Variants in NFIB observed in about 807,000 individuals in gnomAD.
NFIB encodes the protein nuclear factor I B.
A neutral mutation model predicts 61.5 loss-of-function variants in NFIB; 11 were observed. That is an observed-to-expected ratio of 0.18 (90% CI 0.11 to 0.30). The LOEUF is 0.30. Ranked by LOEUF, NFIB falls within the 10% of genes least tolerant of loss-of-function variation. NFIB has a pLI of 1.00. For synonymous variants in NFIB, 260 were observed against 216.5 expected (o/e 1.20, Z -1.76); for missense variants, 471 against 608.9 (o/e 0.77, Z 2.38).
the NFIB span, among the ~76,000 whole-genome samples, chr9:14,407,619 G>A: frequency 6.6e-6 from 1 of 152,164 alleles, no homozygotes; most frequent in Admixed American, 6.5e-5. Flanking sequence ...AATTCAGATA[G>A]TGTGGAATAA....
intron 2 of NFIB, among the ~76,000 whole-genome samples, chr9:14,225,674 T>C (rs2052305553): frequency 6.6e-6 from 1 of 152,004 alleles, no homozygotes; most frequent in Admixed American, 6.6e-5. Flanking sequence ...AAAGTAATAG[T>C]AAGTTTTCCA....
chr9:14,114,691 C>T (rs1403135584), intron 9 of NFIB, among the ~76,000 whole-genome samples: 2 of 152,170 alleles, frequency 1.3e-5, no homozygotes, highest in Non-Finnish European at 2.9e-5. Context: ...GCTGAGGGTA[C>T]TCCTATAAGT....
At chr9:14,153,852 C>T (rs1026436331) in intron 4 of NFIB, among the ~76,000 whole-genome samples, 6 of 152,020 alleles carry the variant, frequency 3.9e-5, no homozygotes, top group African/African-American at 7.2e-5. Flanking sequence ...GATTATGATG[C>T]GGATATATTA....
At chr9:14,343,428 T>C (rs1471666845) in intron 1 of NFIB, among the ~76,000 whole-genome samples, 1 of 152,012 alleles carries the variant, frequency 6.6e-6, no homozygotes, top group Non-Finnish European at 1.5e-5. Context: ...TAGAGAGACG[T>C]GGCCAGGTTT....
chr9:14,381,364 T>C (rs916060231), intron 1 of NFIB, among the ~76,000 whole-genome samples: 2 of 151,914 alleles, frequency 1.3e-5, no homozygotes, highest in Non-Finnish European at 2.9e-5. Context: ...GCTAATTTTT[T>C]AATTTTTGTA....
chr9:14,487,801 A>G, the NFIB span, among the ~76,000 whole-genome samples: 1 of 152,136 alleles, frequency 6.6e-6, no homozygotes, highest in Non-Finnish European at 1.5e-5. Flanking sequence ...TTCCTTTTGA[A>G]TTTTCATTCA....
chr9:14,132,065 T>C (rs2040466673), intron 6 of NFIB, among the ~76,000 whole-genome samples: 1 of 152,204 alleles, frequency 6.6e-6, no homozygotes, highest in African/African-American at 2.4e-5. Context: ...TTCCCTATAG[T>C]AACACAATTT....
At chr9:14,419,969 G>A in the NFIB span, among the ~76,000 whole-genome samples, 3 of 152,146 alleles carry the variant, frequency 2.0e-5, no homozygotes, top group Non-Finnish European at 2.9e-5. Flanking sequence ...AGAGAGGAAG[G>A]AAATTTCCCA....
At chr9:14,145,295 T>C (rs1331471403) in intron 6 of NFIB, among the ~76,000 whole-genome samples, 2 of 152,140 alleles carry the variant, frequency 1.3e-5, no homozygotes, top group Non-Finnish European at 2.9e-5. Context: ...TATGCTTTTG[T>C]CTCAGTTCCC....
rs187544109 is a variant in NFIB, at chr9:14,353,562, G to T, written c.108+44962C>A. Among the ~76,000 whole-genome samples, 2 of 152,260 alleles carry T rather than the reference G, an allele frequency of 1.3e-5. 1 individual carries two copies. The highest frequency in any genetic ancestry group is 3.9e-4 in the East Asian group (2 of 5,158). ...CTGGGGAGTGGGCTGGTTCCAATGA[G>T]AGAAACTGAAAGGAGGGAAGTCAGA... On this transcript the variant is annotated intron_variant, in intron 1 of 8. Transcript: ENST00000380934.
intron 2 of NFIB, among the ~76,000 whole-genome samples, chr9:14,300,585 T>A (rs191856592): frequency 2.6e-5 from 4 of 152,226 alleles, no homozygotes; most frequent in Non-Finnish European, 4.4e-5. Context: ...GAGTGTTTCA[T>A]GTGCTCTTTG....
the NFIB span, among the ~76,000 whole-genome samples, chr9:14,525,131 G>A: frequency 2.0e-5 from 3 of 152,174 alleles, no homozygotes; most frequent in South Asian, 6.2e-4. Flanking sequence ...GAGCTCTACA[G>A]TTCTCAGACA....
chr9:14,406,651 C>G, the NFIB span, among the ~76,000 whole-genome samples: 3 of 152,126 alleles, frequency 2.0e-5, no homozygotes, highest in East Asian at 5.8e-4. Context: ...TCTCTCATAG[C>G]TAGGTGTGGT....
chr9:14,510,923 C>A, the NFIB span, among the ~76,000 whole-genome samples: 1 of 152,138 alleles, frequency 6.6e-6, no homozygotes, highest in African/African-American at 2.4e-5. Context: ...TAAGATCCCC[C>A]CTACCTTCAA....
chr9:14,173,009 C>A (rs2045743406), intron 3 of NFIB, among the ~76,000 whole-genome samples: 1 of 152,164 alleles, frequency 6.6e-6, no homozygotes, highest in South Asian at 2.1e-4. Context: ...ACCTTGTGAT[C>A]TGCCCGCCTC....
At chr9:14,246,128 C>G (rs1447870951) in intron 2 of NFIB, among the ~76,000 whole-genome samples, 4 of 151,502 alleles carry the variant, frequency 2.6e-5, no homozygotes, top group Non-Finnish European at 4.4e-5. Context: ...GTGGGTTAGA[C>G]TCTAAGCTCT....
At chr9:14,202,310 T>C (rs979572882) in intron 2 of NFIB, among the ~76,000 whole-genome samples, 5 of 152,230 alleles carry the variant, frequency 3.3e-5, no homozygotes, top group Admixed American at 3.3e-4. Context: ...ACAACAGCTA[T>C]TGCAGCATGA....
chr9:14,507,391 T>A, the NFIB span, among the ~76,000 whole-genome samples: 2 of 152,276 alleles, frequency 1.3e-5, no homozygotes, highest in African/African-American at 4.8e-5. Context: ...GTTGATTATT[T>A]TGAAACCTTT....
chr9:14,221,813 T>G (rs555515874), intron 2 of NFIB, among the ~76,000 whole-genome samples: 1 of 152,214 alleles, frequency 6.6e-6, no homozygotes, highest in African/African-American at 2.4e-5. Context: ...TCTTTACCAG[T>G]GAGTCATCTC....
Sources: gnomAD v4.1 joint callset for allele counts (sites outside exome capture counted in the v4.1 genomes callset) on GRCh38, gnomAD v4.1.1 for gene constraint, MANE v1.5 for transcripts, NCBI Gene and HGNC (gene_info 2026-07-23, HGNC 2026-07-21) for gene names.